Variants in PSG8 observed in about 807,000 individuals in gnomAD.
PSG8 encodes the protein pregnancy specific beta-1-glycoprotein 8.
In PSG8, 57 loss-of-function variants were observed where a neutral mutation model predicts 42.5. That is an observed-to-expected ratio of 1.34 (90% CI 1.08 to 1.67). The LOEUF (loss-of-function observed/expected upper bound fraction) is 1.67. Ranked by LOEUF, PSG8 falls within the 40% of genes most tolerant of loss-of-function variation. The pLI, the probability that PSG8 is intolerant of heterozygous loss-of-function variation, is 0.00. For synonymous variants in PSG8, 280 were observed against 196.8 expected (o/e 1.42, Z -3.54); for missense variants, 783 against 518.6 (o/e 1.51, Z -4.95).
downstream of PSG8, chr19:42,753,972 T>C (rs1403896092): frequency 4.8e-6 from 3 of 626,436 alleles, no homozygotes; most frequent in East Asian, 8.1e-5. Flanking sequence ...ATTGAACTGC[T>C]ATAAGCTACA....
At chr19:42,758,414 T>A (rs1423664487) in intron 2 of PSG8, 134 bp from the exon 3 acceptor site, 23 of 1,508,980 alleles carry the variant, frequency 1.5e-5, no homozygotes, top group East Asian at 2.3e-5. Context: ...GGTGTGTGTG[T>A]TGCAAGACAG....
At chr19:42,765,174 A>G (rs917255056) in intron 1 of PSG8, among the ~76,000 whole-genome samples, 8 of 141,526 alleles carry the variant, frequency 5.7e-5, no homozygotes, top group Non-Finnish European at 1.1e-4. Context: ...TTTTTTTGAG[A>G]TGGAGTCTCA....
chr19:42,765,414 A>G (rs746555015), intron 1 of PSG8, 104 bp downstream of exon 1: 3 of 1,540,868 alleles, frequency 1.9e-6, no homozygotes, highest in Admixed American at 1.7e-5. Flanking sequence ...AGCCTCCCAA[A>G]GTGCTGGCTT....
intron 2 of PSG8, among the ~76,000 whole-genome samples, chr19:42,759,484 TTTG>T: frequency 1.3e-5 from 2 of 152,228 alleles, no homozygotes; most frequent in African/African-American, 4.8e-5. Context: ...CTAATTTTTT[TTTG>T]TTTTGGAATA....
At position 42,759,372 on chromosome 19, in the gene PSG8, G is replaced by A. The variant is rs78216544; in HGVS notation, c.431-1092C>T. ...TGGTTGTGCAGTTTCAGTTATGCAG[G>A]ATGAGGAGGTTCTAGAGATCTCCTG... is the stretch of plus-strand genomic sequence containing the variant. On this transcript the variant is annotated intron_variant, in intron 2 of 4. Coordinates refer to ENST00000306511, the MANE Select transcript of PSG8 (RefSeq NM_182707.3). Among the ~76,000 whole-genome samples the A allele has an allele frequency of 5.5e-4, 84 of 152,238 alleles. 1 individual carries two copies. The highest frequency in any genetic ancestry group is 2.1e-3 in the Admixed American group (32 of 15,296).
At chr19:42,760,504 C>T (rs867036787) in intron 2 of PSG8, among the ~76,000 whole-genome samples, 22 of 152,146 alleles carry the variant, frequency 1.4e-4, no homozygotes, top group African/African-American at 3.6e-4. Context: ...TTTCTATTGA[C>T]GTATCCTCAA....
Position 42,765,634 on chromosome 19 carries a change from A to C in PSG8, c.-53T>G. ...TGTGGAGATGAGCCTAGGATCCAGA[A>C]GCTTCCTGAGCACAGCTCTCAGCAG... On this transcript the variant is annotated 5_prime_UTR_variant, in exon 1 of 5. Coordinates refer to ENST00000306511, the MANE Select transcript of PSG8 (RefSeq NM_182707.3). The C allele has an allele frequency of 6.9e-6, 11 of 1,595,786 alleles. No individual in the cohort carries two copies. The highest frequency in any genetic ancestry group is 1.4e-5 in the African/African-American group (1 of 73,486).
rs534188127 is a variant in PSG8 at position 42,754,260 on chromosome 19, T to A, written c.*35A>T. 5.0e-6 allele frequency: 8 copies of A among 1,605,226 alleles called. No individual in the cohort carries two copies. Among genetic ancestry groups the A allele is most frequent in the Middle Eastern group, 2.1e-4 (1 of 4,838 alleles). ...ACGCAGGCTGGGAATAAAAATGTTT[T>A]CCTGACTCTTCCCTGAAGGCCAGAT... is the stretch of plus-strand genomic sequence containing the variant. On this transcript the variant is annotated 3_prime_UTR_variant, in exon 5 of 5. Coordinates refer to ENST00000306511, the MANE Select transcript of PSG8 (RefSeq NM_182707.3).
intron 2 of PSG8, among the ~76,000 whole-genome samples, chr19:42,762,314 A>T (rs562403622): frequency 6.6e-6 from 1 of 152,110 alleles, no homozygotes; most frequent in East Asian, 1.9e-4. Flanking sequence ...AGGTGCCCCC[A>T]GCTCCACAGT....
Position 42,765,393 on chromosome 19 carries a change from C to A in PSG8, c.64+125G>T, listed in dbSNP as rs569110189. On this transcript the variant is annotated intron_variant, in intron 1 of 4. Coordinates refer to ENST00000306511, the MANE Select transcript of PSG8 (RefSeq NM_182707.3). Reference sequence around the variant, plus strand: ...GATCTTGAACTCCTGATCTCATGATCCACCTGCCTCAGCCTCCCAAAGTGC... The same window carrying A: ...GATCTTGAACTCCTGATCTCATGATACACCTGCCTCAGCCTCCCAAAGTGC... The A allele has an allele frequency of 3.2e-5, 46 of 1,445,312 alleles. No individual in the cohort carries two copies. In the African/African-American group the frequency reaches 6.4e-4, roughly 20 times the overall value. 89.5% of individuals were successfully genotyped at this position (1,445,312 alleles called of 1,614,324 possible).
downstream of PSG8, chr19:42,753,468 C>G (rs878880584): frequency 1.5e-5 from 11 of 750,474 alleles, no homozygotes; most frequent in South Asian, 5.6e-5. Flanking sequence ...CATAATTTTT[C>G]TCTCTATGGG....
intron 3 of PSG8, chr19:42,756,208 A>T (rs1969922541): frequency 6.6e-6 from 1 of 152,150 alleles, no homozygotes; most frequent in East Asian, 1.9e-4. Flanking sequence ...CTTTCACTGG[A>T]CATTCTACTC....
In PSG8 at chr19:42,759,011, C is replaced by T. The variant is rs531014388; in HGVS notation, c.431-731G>A. The T allele has an allele frequency of 7.2e-5, 11 of 152,684 alleles. 1 individual carries two copies. The highest frequency in any genetic ancestry group is 2.7e-4 in the African/African-American group (11 of 41,498). The allele number at this position is 152,684 out of a possible 1,614,324, so 9.5% of individuals were successfully genotyped here. A position where few individuals can be genotyped will look rare whatever the true frequency, so the allele number is the denominator to read the frequency against. On this transcript the variant is annotated intron_variant, in intron 2 of 4. Transcript: ENST00000306511. ...CAAGACCACGTTCCCTGTTCTGGAT[C>T]CATGATGCTCCCTTCCCCCTGTAGA...
At chr19:42,753,236 A>G, downstream of PSG8, 1 of 777,230 alleles carries the variant, frequency 1.3e-6, no homozygotes, top group Non-Finnish European at 2.4e-6. Flanking sequence ...CTTCAGGTAC[A>G]AGGGTTTTCC....
At chr19:42,756,471 T>A (rs1037964823) in intron 3 of PSG8, among the ~76,000 whole-genome samples, 24 of 152,120 alleles carry the variant, frequency 1.6e-4, no homozygotes, top group Admixed American at 1.6e-3. Flanking sequence ...ATTTCTGACA[T>A]TTTTTGATTC....
At position 42,764,183 on chromosome 19, in the gene PSG8, C is replaced by T. The variant is rs758194328; in HGVS notation, c.163G>A (p.Val55Ile). 7 of 1,613,734 alleles carry T rather than the reference C, an allele frequency of 4.3e-6. No individual in the cohort carries two copies. The highest frequency in any genetic ancestry group is 5.9e-6 in the Non-Finnish European group (7 of 1,179,912). The change falls in exon 2 of 5, where the codon GTC becomes ATC. Residue 55 changes from valine (V) to isoleucine (I), a missense_variant. Physicochemically the swap from Val to Ile is conservative, Grantham distance 29. Transcript: ENST00000306511. Reference sequence around the variant, plus strand: ...GTAAGATTCTGGGGCAAATTGTGGACAAGTAGAAGAACATCCTTCCCCTCA... The same window carrying T: ...GTAAGATTCTGGGGCAAATTGTGGATAAGTAGAAGAACATCCTTCCCCTCA... Reference protein sequence around the residue: ...VSEGKDVLLLVHNLPQNLTGY... With the variant: ...VSEGKDVLLLIHNLPQNLTGY...
At chr19:42,761,820 ATTTTTTTTTTTTTTT>A (rs58868359) in intron 2 of PSG8, among the ~76,000 whole-genome samples, 1,122 of 70,460 alleles carry the variant, frequency 0.016, 15 homozygotes, top group African/African-American at 0.057. Context: ...CATTTCAATA[ATTTTTTTTTTTTTTT>A]TTTTTTTTTT....
chr19:42,765,206 G>A (rs1038972089), intron 1 of PSG8, among the ~76,000 whole-genome samples: 9 of 149,546 alleles, frequency 6.0e-5, no homozygotes, highest in African/African-American at 2.2e-4. Flanking sequence ...AGGCTGGCGT[G>A]CGATGGCACT....
At chr19:42,755,908 A>C (rs904273775) in intron 3 of PSG8, 1 of 157,038 alleles carries the variant, frequency 6.4e-6, no homozygotes, top group Non-Finnish European at 1.4e-5. Flanking sequence ...AGTGACCTCT[A>C]AAGATAGAGC....
Sources: allele counts gnomAD v4.1 joint callset (sites outside exome capture counted in the v4.1 genomes callset), GRCh38; gene constraint gnomAD v4.1.1; transcripts MANE v1.5; gene names NCBI Gene and HGNC (gene_info 2026-07-23, HGNC 2026-07-21).